The following CSMD1 variants were observed in gnomAD, a reference collection of about 807,000 sequenced individuals.
CSMD1 encodes CUB and Sushi multiple domains 1, also known as CUB and sushi domain-containing protein 1.
A neutral mutation model predicts 417.5 loss-of-function variants in CSMD1; 213 were observed. The ratio of observed to expected loss-of-function variants is 0.51; its 90% CI spans 0.46 to 0.57. The LOEUF (loss-of-function observed/expected upper bound fraction) is 0.57, where lower values mean the gene tolerates loss of function less well. Among genes scored for constraint, CSMD1 ranks in the 20% least tolerant of loss-of-function variants. The pLI, the probability that CSMD1 is intolerant of heterozygous loss-of-function variation, is 0.00. For synonymous variants in CSMD1, 2,862 were observed against 1,736.8 expected (o/e 1.65, Z -16.11); for missense variants, 6,923 against 4,529.7 (o/e 1.53, Z -15.17).
At position 3,220,164 on chromosome 8, in the gene CSMD1, G is replaced by A. The variant is rs201331631; in HGVS notation, c.4485-722C>T. 1.9e-3 allele frequency among the ~76,000 whole-genome samples: 212 copies of A among 110,194 alleles called. 1 individual carries two copies. The highest frequency in any genetic ancestry group is 4.4e-3 in the African/African-American group (123 of 27,928). The allele number at this position is 110,194 out of a possible 152,430, so 72.3% of individuals were successfully genotyped here. Reference sequence around the variant, plus strand: ...CAAGACCCTGTCAAAAAAAAAAAAAGACTCCACTTGCGTGGATAAATCAGC... The same window carrying A: ...CAAGACCCTGTCAAAAAAAAAAAAAAACTCCACTTGCGTGGATAAATCAGC... On this transcript the variant is annotated intron_variant, in intron 28 of 69. Coordinates refer to ENST00000635120, the MANE Select transcript of CSMD1 (RefSeq NM_033225.6).
At chr8:3,245,944 G>C (rs1799854146) in intron 26 of CSMD1, among the ~76,000 whole-genome samples, 1 of 152,160 alleles carries the variant, frequency 6.6e-6, no homozygotes. Context: ...CAATAATAGT[G>C]TTTTTATTTT....
intron 1 of CSMD1, among the ~76,000 whole-genome samples, chr8:4,687,827 A>G (rs1206187332): frequency 2.8e-5 from 3 of 105,638 alleles, no homozygotes; most frequent in Non-Finnish European, 5.6e-5. Flanking sequence ...ACAAACACAC[A>G]TACATACATA....
At chr8:3,885,378 C>A (rs1806492409) in intron 5 of CSMD1, among the ~76,000 whole-genome samples, 1 of 152,104 alleles carries the variant, frequency 6.6e-6, no homozygotes, top group South Asian at 2.1e-4. Flanking sequence ...AATATAAAAG[C>A]TTGAAGCTGC....
intron 2 of CSMD1, among the ~76,000 whole-genome samples, chr8:4,621,215 T>C (rs1160378967): frequency 6.6e-6 from 1 of 152,072 alleles, no homozygotes; most frequent in Admixed American, 6.6e-5. Flanking sequence ...GACCCAACAC[T>C]AAATACAAAA....
intron 2 of CSMD1, among the ~76,000 whole-genome samples, chr8:4,464,425 C>G (rs1470600642): frequency 6.6e-6 from 1 of 152,130 alleles, no homozygotes; most frequent in Non-Finnish European, 1.5e-5. Context: ...CCTTGCCTAC[C>G]TTAAACACAC....
intron 10 of CSMD1, among the ~76,000 whole-genome samples, chr8:3,550,148 A>G (rs7011542): frequency 0.012 from 1,785 of 152,296 alleles, 41 homozygotes; most frequent in African/African-American, 0.04. Context: ...CGTGGCCTCA[A>G]AATCTAGGAG....
At chr8:3,310,911 G>A (rs150345448) in intron 23 of CSMD1, among the ~76,000 whole-genome samples, 1 of 152,066 alleles carries the variant, frequency 6.6e-6, no homozygotes, top group Non-Finnish European at 1.5e-5. Context: ...AAAAAGAGGT[G>A]GAATATTGCA....
At chr8:3,139,425 G>A (rs545770800) in intron 41 of CSMD1, among the ~76,000 whole-genome samples, 27 of 152,252 alleles carry the variant, frequency 1.8e-4, no homozygotes, top group South Asian at 2.1e-4. Context: ...GGAAAAGGGC[G>A]TCAAGAGAAA....
At chr8:3,133,095 T>C (rs570387655) in intron 41 of CSMD1, among the ~76,000 whole-genome samples, 10 of 152,316 alleles carry the variant, frequency 6.6e-5, no homozygotes, top group African/African-American at 2.4e-4. Context: ...GCCTGCATCC[T>C]TCCCCAGGCC....
chr8:4,384,874 C>A (rs1047506724), intron 3 of CSMD1, among the ~76,000 whole-genome samples: 1 of 150,324 alleles, frequency 6.7e-6, no homozygotes, highest in Non-Finnish European at 1.5e-5. Context: ...AATACAACTG[C>A]TCTAATTTCT....
At chr8:3,549,471 G>A (rs1377404252) in intron 10 of CSMD1, among the ~76,000 whole-genome samples, 9 of 152,198 alleles carry the variant, frequency 5.9e-5, no homozygotes, top group Non-Finnish European at 1.2e-4. Flanking sequence ...TCATGTCGCA[G>A]CAGTGAGAGA....
chr8:3,244,208 G>A (rs190503893), intron 26 of CSMD1, among the ~76,000 whole-genome samples: 1 of 152,294 alleles, frequency 6.6e-6, no homozygotes, highest in East Asian at 1.9e-4. Flanking sequence ...AGGCAGAGAT[G>A]CTATTGCGAG....
chr8:3,715,792 C>A (rs368666732), intron 6 of CSMD1, among the ~76,000 whole-genome samples: 1 of 152,172 alleles, frequency 6.6e-6, no homozygotes, highest in South Asian at 2.1e-4. Context: ...ATCCTCCCGC[C>A]CTGGCCTCCC....
intron 3 of CSMD1, among the ~76,000 whole-genome samples, chr8:4,175,001 C>G (rs571644384): frequency 4.0e-5 from 6 of 151,460 alleles, no homozygotes; most frequent in African/African-American, 9.7e-5. Context: ...ATTGGAATCT[C>G]TTATCTCACT....
chr8:4,923,645 C>T (rs1322435541), intron 1 of CSMD1, among the ~76,000 whole-genome samples: 1 of 152,108 alleles, frequency 6.6e-6, no homozygotes, highest in Non-Finnish European at 1.5e-5. Flanking sequence ...TTGCTTCCTG[C>T]ACTCACATGT....
At chr8:3,834,054 G>C (rs1237146400) in intron 5 of CSMD1, among the ~76,000 whole-genome samples, 1 of 151,978 alleles carries the variant, frequency 6.6e-6, no homozygotes, top group South Asian at 2.1e-4. Context: ...TGTAAAGTTT[G>C]GTCACTACTG....
At chr8:3,255,598 C>T (rs1246263915) in intron 26 of CSMD1, among the ~76,000 whole-genome samples, 8 of 152,182 alleles carry the variant, frequency 5.3e-5, no homozygotes. Context: ...TTGCTGCAGC[C>T]CTGCAGTTTG....
chr8:4,521,828 C>G (rs1403385087), intron 2 of CSMD1, among the ~76,000 whole-genome samples: 2 of 152,176 alleles, frequency 1.3e-5, no homozygotes, highest in African/African-American at 4.8e-5. Flanking sequence ...TGTATGGTTA[C>G]TCAAGCTCCA....
At position 4,038,584 on chromosome 8, in the gene CSMD1, G is replaced by A. The variant is rs114782207; in HGVS notation, c.416-6485C>T. ...TATGCATGTCTCTTTGTGACTCCCA[G>A]AAGTAATGAATACACATGAAGAATT... On this transcript the variant is annotated intron_variant, in intron 3 of 69. Transcript: ENST00000635120. Among the ~76,000 whole-genome samples the A allele has an allele frequency of 8.8e-3, 1,337 of 152,286 alleles. 23 individuals are homozygous for A. Among genetic ancestry groups the A allele is most frequent in the African/African-American group, 0.031 (1,279 of 41,562 alleles).
Sources: gnomAD v4.1 joint callset for allele counts (sites outside exome capture counted in the v4.1 genomes callset) on GRCh38, gnomAD v4.1.1 for gene constraint, MANE v1.5 for transcripts, NCBI Gene and HGNC (gene_info 2026-07-23, HGNC 2026-07-21) for gene names.